Variants in RORA observed in about 807,000 individuals in gnomAD.
The protein encoded by RORA is nuclear receptor ROR-alpha.
RORA carries 7 observed loss-of-function variants against 69.5 expected under a neutral mutation model. The observed-to-expected ratio is 0.10, with a 90% CI of 0.06 to 0.19. The LOEUF is 0.19. Ranked by LOEUF, RORA falls within the 10% of genes least tolerant of loss-of-function variation. The pLI is 1.00. For synonymous variants in RORA, 261 were observed against 240.8 expected (o/e 1.08, Z -0.78); for missense variants, 457 against 663.0 (o/e 0.69, Z 3.41).
chr15:60,757,901 A>G (rs1441078806), intron 1 of RORA, among the ~76,000 whole-genome samples: 1 of 151,980 alleles, frequency 6.6e-6, no homozygotes, highest in Admixed American at 6.6e-5. Flanking sequence ...CAGAATTCCA[A>G]CATTCACCCA....
intron 1 of RORA, among the ~76,000 whole-genome samples, chr15:60,979,488 T>C (rs1357507820): frequency 6.6e-6 from 1 of 152,112 alleles, no homozygotes; most frequent in Non-Finnish European, 1.5e-5. Flanking sequence ...TCCATAAACA[T>C]AGAAGATGAT....
Position 60,826,779 on chromosome 15 carries a change from CTCTCTCTCTCTTTTTTT to C in RORA, c.167-148110_167-148094del, listed in dbSNP as rs1398926483. 2.1e-3 allele frequency among the ~76,000 whole-genome samples: 238 copies of C among 114,370 alleles called. 1 individual carries two copies. Among genetic ancestry groups the C allele is most frequent in the Admixed American group, 7.2e-3 (72 of 9,948 alleles). 75.0% of individuals were successfully genotyped at this position (114,370 alleles called of 152,430 possible). ...TCTCTCTCTCTCCCTCTCTCTCTCT[CTCTCTCTCTCTTTTTTT>C]TTTAAAGACACACCTGTTCTTTTCC... On this transcript the variant is annotated intron_variant, in intron 1 of 10. Coordinates refer to ENST00000335670, the MANE Select transcript of RORA (RefSeq NM_134261.3).
rs1282924759 is a variant in RORA, at chr15:60,516,048, TA to T, written c.283-1292del. On this transcript the variant is annotated intron_variant, in intron 3 of 10. Coordinates refer to ENST00000335670, the MANE Select transcript of RORA (RefSeq NM_134261.3). ...ATATATTTATATATATTTATATATT[TA>T]TATATATTTATATATATTTATATAT... is the stretch of plus-strand genomic sequence containing the variant. 5.4e-4 allele frequency among the ~76,000 whole-genome samples: 2 copies of T among 3,684 alleles called. 1 individual carries two copies. The highest frequency in any genetic ancestry group is 1.2e-3 in the African/African-American group (2 of 1,692). The allele number at this position is 3,684 out of a possible 152,430, so 2.4% of individuals were successfully genotyped here. A position where few individuals can be genotyped will look rare whatever the true frequency, so the allele number is the denominator to read the frequency against.
At chr15:60,660,001 C>G (rs1387731449) in intron 2 of RORA, among the ~76,000 whole-genome samples, 1 of 152,082 alleles carries the variant, frequency 6.6e-6, no homozygotes, top group East Asian at 1.9e-4. Flanking sequence ...TTATGCCTGA[C>G]AATATTAAAA....
chr15:60,607,665 C>G (rs2068982058), intron 2 of RORA, among the ~76,000 whole-genome samples: 1 of 152,176 alleles, frequency 6.6e-6, no homozygotes, highest in Non-Finnish European at 1.5e-5. Flanking sequence ...AAACACAACC[C>G]TTTCCCCCTA....
rs546440436 is a variant in RORA, at chr15:60,792,422, A to G, written c.167-113736T>C. Reference sequence around the variant, plus strand: ...AGGAACGGCTGAAAATTTAACAAGTATGGTTAAAGACATCAACTTATAGAT... The same window carrying G: ...AGGAACGGCTGAAAATTTAACAAGTGTGGTTAAAGACATCAACTTATAGAT... On this transcript the variant is annotated intron_variant, in intron 1 of 10. Transcript: ENST00000335670. Among the ~76,000 whole-genome samples the G allele has an allele frequency of 2.6e-5, 4 of 152,320 alleles. No homozygotes were observed. In the South Asian group the frequency reaches 8.3e-4, roughly 32 times the overall value.
chr15:60,779,468 G>A (rs1038719910), intron 1 of RORA, among the ~76,000 whole-genome samples: 4 of 152,262 alleles, frequency 2.6e-5, no homozygotes, highest in South Asian at 2.1e-4. Context: ...CCCTGCCATC[G>A]AAGTCATTTG....
chr15:60,498,667 C>G (rs1250895656), intron 10 of RORA, among the ~76,000 whole-genome samples: 4 of 152,148 alleles, frequency 2.6e-5, no homozygotes, highest in Non-Finnish European at 5.9e-5. Flanking sequence ...ATGTTAAGTG[C>G]TGTTTATAAT....
intron 1 of RORA, among the ~76,000 whole-genome samples, chr15:61,118,862 GCAGA>G (rs1384841328): frequency 2.0e-5 from 3 of 151,942 alleles, no homozygotes; most frequent in Non-Finnish European, 2.9e-5. Context: ...CTTTTCCAAG[GCAGA>G]CAGAGCAGGT....
At chr15:60,597,548 C>CAA (rs1382521466) in intron 2 of RORA, among the ~76,000 whole-genome samples, 3 of 55,930 alleles carry the variant, frequency 5.4e-5, no homozygotes, top group Non-Finnish European at 1.0e-4. Context: ...CACACACACA[C>CAA]AACATATATA....
chr15:60,568,188 G>C lies in RORA; in HGVS notation c.197-36337C>G, dbSNP rs148115622. ...TGGATAGGACAGTGGTGCTCTGCTG[G>C]AAAATGGATAGGACAATGCTTATGT... On this transcript the variant is annotated intron_variant, in intron 2 of 10. Transcript: ENST00000335670. Among the ~76,000 whole-genome samples, 6 of 152,318 alleles carry C rather than the reference G, an allele frequency of 3.9e-5. 1 individual carries two copies. The highest frequency in any genetic ancestry group is 1.4e-4 in the African/African-American group (6 of 41,566).
At chr15:61,195,426 C>A (rs527732335) in intron 1 of RORA, among the ~76,000 whole-genome samples, 17 of 151,874 alleles carry the variant, frequency 1.1e-4, no homozygotes, top group Non-Finnish European at 1.8e-4. Context: ...GCAAGGATTT[C>A]CTTAACCTGG....
chr15:60,595,499 A>G (rs966650179), intron 2 of RORA, among the ~76,000 whole-genome samples: 2 of 152,074 alleles, frequency 1.3e-5, no homozygotes, highest in Non-Finnish European at 2.9e-5. Flanking sequence ...TGGGCGACAG[A>G]GCAATAATCT....
intron 1 of RORA, among the ~76,000 whole-genome samples, chr15:60,806,294 A>G (rs1411535159): frequency 6.6e-6 from 1 of 152,202 alleles, no homozygotes; most frequent in Non-Finnish European, 1.5e-5. Flanking sequence ...GCCCGAGTGA[A>G]AAGCACCCAC....
At chr15:61,015,086 T>C (rs1000452964) in intron 1 of RORA, among the ~76,000 whole-genome samples, 1 of 152,206 alleles carries the variant, frequency 6.6e-6, no homozygotes, top group Non-Finnish European at 1.5e-5. Flanking sequence ...AAGCACCTCA[T>C]TAATTACCAT....
intron 1 of RORA, among the ~76,000 whole-genome samples, chr15:61,198,803 C>G (rs1219776129): frequency 6.6e-6 from 1 of 152,128 alleles, no homozygotes; most frequent in Non-Finnish European, 1.5e-5. Context: ...AACTTAAATT[C>G]AAATTCCAGA....
chr15:60,791,720 C>G (rs1406358651), intron 1 of RORA, among the ~76,000 whole-genome samples: 1 of 152,216 alleles, frequency 6.6e-6, no homozygotes, highest in African/African-American at 2.4e-5. Context: ...TACGAAGAAG[C>G]AGCTGGAAGC....
intron 2 of RORA, among the ~76,000 whole-genome samples, chr15:60,580,718 G>T (rs1008874831): frequency 6.6e-6 from 1 of 152,204 alleles, no homozygotes; most frequent in Admixed American, 6.5e-5. Context: ...TCCCCCTGAG[G>T]ATCTGGCTAT....
intron 1 of RORA, among the ~76,000 whole-genome samples, chr15:61,115,394 A>T (rs1203493368): frequency 6.6e-6 from 1 of 152,188 alleles, no homozygotes; most frequent in Non-Finnish European, 1.5e-5. Context: ...GACTAAGAAG[A>T]CAGGACACTG....
Sources: allele counts gnomAD v4.1 joint callset (sites outside exome capture counted in the v4.1 genomes callset), GRCh38; gene constraint gnomAD v4.1.1; transcripts MANE v1.5; gene names NCBI Gene and HGNC (gene_info 2026-07-23, HGNC 2026-07-21).